PCDH15: variants seen among roughly 807,000 people sequenced by gnomAD.
The protein encoded by PCDH15 is protocadherin-15.
A neutral mutation model predicts 178.5 loss-of-function variants in PCDH15; 129 were observed. The observed-to-expected ratio is 0.72, with a 90% CI of 0.63 to 0.84. The LOEUF is 0.84. Among genes scored for constraint, PCDH15 ranks in the 40% least tolerant of loss-of-function variants. The probability of loss-of-function intolerance (pLI) is 0.00; values close to 1 mark genes in which losing one functional copy is unlikely to be tolerated. For missense variants in PCDH15, 2,230 were observed against 2,099.9 expected (o/e 1.06, Z -1.21); for synonymous variants, 800 against 732.0 (o/e 1.09, Z -1.50).
intron 2 of PCDH15, among the ~76,000 whole-genome samples, chr10:54,953,194 CT>C (rs949043212): frequency 1.3e-5 from 2 of 151,286 alleles, no homozygotes; most frequent in African/African-American, 4.8e-5. Flanking sequence ...CCTCTTTCCT[CT>C]TTGTTCATAA....
intron 2 of PCDH15, among the ~76,000 whole-genome samples, chr10:55,561,215 C>T (rs985733874): frequency 9.9e-5 from 15 of 151,788 alleles, no homozygotes; most frequent in African/African-American, 3.4e-4. Context: ...GGGAAGTTAA[C>T]AACTTTTCAC....
intron 2 of PCDH15, among the ~76,000 whole-genome samples, chr10:55,129,017 C>T (rs1418133121): frequency 6.6e-6 from 1 of 152,006 alleles, no homozygotes; most frequent in African/African-American, 2.4e-5. Flanking sequence ...TGCCTGATGT[C>T]CCATGGGATT....
At chr10:54,330,390 C>T (rs978362187) in intron 6 of PCDH15, among the ~76,000 whole-genome samples, 1 of 151,844 alleles carries the variant, frequency 6.6e-6, no homozygotes, top group Non-Finnish European at 1.5e-5. Context: ...GCAATTGTAA[C>T]ACAATGGTCA....
intron 8 of PCDH15, among the ~76,000 whole-genome samples, chr10:54,281,555 T>G (rs919511275): frequency 6.6e-6 from 1 of 152,044 alleles, no homozygotes; most frequent in Non-Finnish European, 1.5e-5. Context: ...ATGAACTTCA[T>G]GTGGTAAATA....
At chr10:55,499,324 A>G (rs1169185877) in intron 2 of PCDH15, among the ~76,000 whole-genome samples, 2 of 151,694 alleles carry the variant, frequency 1.3e-5, no homozygotes, top group Non-Finnish European at 2.9e-5. Flanking sequence ...ACATTTGAAT[A>G]CAAAAACAAA....
intron 2 of PCDH15, among the ~76,000 whole-genome samples, chr10:55,394,538 G>T (rs983601912): frequency 6.6e-6 from 1 of 151,964 alleles, no homozygotes; most frequent in African/African-American, 2.4e-5. Flanking sequence ...TATACAGCCA[G>T]GATTGAAAGC....
chr10:54,228,820 C>G (rs1241011784), intron 9 of PCDH15, among the ~76,000 whole-genome samples: 1 of 152,162 alleles, frequency 6.6e-6, no homozygotes, highest in Non-Finnish European at 1.5e-5. Flanking sequence ...ATATTAGTCT[C>G]TTTTTGAAAC....
chr10:54,057,982 T>C (rs1411033513), intron 18 of PCDH15, among the ~76,000 whole-genome samples: 1 of 152,166 alleles, frequency 6.6e-6, no homozygotes, highest in African/African-American at 2.4e-5. Flanking sequence ...CCATCTAAGA[T>C]CACCTCAGCC....
In PCDH15 at chr10:54,879,895, T is replaced by C. The variant is rs527576544; in HGVS notation, c.-29+17555A>G. ...TTGCAGATAACTGTGATCATCATGATTCCTTAATGTTAACATTTTTCCATA... is the reference window on the plus strand; with the variant it reads ...TTGCAGATAACTGTGATCATCATGACTCCTTAATGTTAACATTTTTCCATA... On this transcript the variant is annotated intron_variant, in intron 3 of 5. Coordinates refer to the PCDH15 transcript ENST00000458638. Among the ~76,000 whole-genome samples the C allele has an allele frequency of 2.6e-4, 39 of 152,178 alleles. No individual in the cohort carries two copies. The Middle Eastern group carries it at 0.01, about 40-fold the overall frequency.
chr10:53,941,865 G>A (rs1394262149), intron 23 of PCDH15, among the ~76,000 whole-genome samples: 2 of 152,154 alleles, frequency 1.3e-5, no homozygotes, highest in Non-Finnish European at 2.9e-5. Context: ...TAATAGGTGT[G>A]TGGTGGTATT....
At chr10:55,003,510 G>A (rs143765887) in intron 2 of PCDH15, among the ~76,000 whole-genome samples, 2 of 151,924 alleles carry the variant, frequency 1.3e-5, no homozygotes, top group African/African-American at 4.8e-5. Context: ...TAACAACTGA[G>A]TAGAGCGTAC....
intron 1 of PCDH15, among the ~76,000 whole-genome samples, chr10:55,287,908 G>A (rs1449023747): frequency 1.3e-5 from 2 of 151,710 alleles, no homozygotes; most frequent in African/African-American, 2.4e-5. Context: ...CAACCTTCAA[G>A]TCTAGCATCA....
chr10:54,247,867 C>CAAAAA (rs570243081), intron 8 of PCDH15, among the ~76,000 whole-genome samples: 8 of 122,088 alleles, frequency 6.6e-5, no homozygotes, highest in African/African-American at 2.5e-4. Flanking sequence ...GACTCTTTCT[C>CAAAAA]AAAAAAAAAA....
At chr10:54,754,942 CTTTTTTTTTT>C (rs35143502) in intron 1 of PCDH15, among the ~76,000 whole-genome samples, 4 of 33,858 alleles carry the variant, frequency 1.2e-4, no homozygotes, top group African/African-American at 3.6e-4. Flanking sequence ...GTTTTTCTTT[CTTTTTTTTTT>C]TTTTTTTTTT....
intron 10 of PCDH15, among the ~76,000 whole-genome samples, chr10:54,205,554 G>A (rs1458341767): frequency 7.0e-6 from 1 of 142,924 alleles, no homozygotes; most frequent in African/African-American, 2.6e-5. Flanking sequence ...AATAACCTGT[G>A]CTCCATGAAT....
chr10:54,658,640 A>G (rs2094445471), intron 2 of PCDH15, among the ~76,000 whole-genome samples: 1 of 152,198 alleles, frequency 6.6e-6, no homozygotes, highest in African/African-American at 2.4e-5. Flanking sequence ...TCCTTAAAGG[A>G]CTTCTAAACA....
intron 26 of PCDH15, among the ~76,000 whole-genome samples, chr10:53,888,339 T>TATATATGTATGTACATATATATAC (rs1564691439): frequency 9.1e-6 from 1 of 109,562 alleles, no homozygotes; most frequent in African/African-American, 3.6e-5. Context: ...TATGTACGTA[T>TATATATGTATGTACATATATATAC]ATATATATAC....
chr10:53,991,257 CAA>C (rs2091460928), intron 21 of PCDH15, among the ~76,000 whole-genome samples: 1 of 152,312 alleles, frequency 6.6e-6, no homozygotes, highest in East Asian at 1.9e-4. Flanking sequence ...ATCCACTAGC[CAA>C]AGCCAGCTGG....
At chr10:54,170,334 C>T (rs940021023) in intron 13 of PCDH15, among the ~76,000 whole-genome samples, 1 of 152,046 alleles carries the variant, frequency 6.6e-6, no homozygotes, top group African/African-American at 2.4e-5. Flanking sequence ...GAGCCAGGAC[C>T]ACACCCTGTA....
Sources: allele counts gnomAD v4.1 joint callset (sites outside exome capture counted in the v4.1 genomes callset), GRCh38; gene constraint gnomAD v4.1.1; transcripts MANE v1.5; gene names NCBI Gene and HGNC (gene_info 2026-07-23, HGNC 2026-07-21).